SLC52A3: variants seen among roughly 807,000 people sequenced by gnomAD.
SLC52A3 encodes the protein solute carrier family 52 member 3.
In SLC52A3, 20 loss-of-function variants were observed where a neutral mutation model predicts 29.5. That is an observed-to-expected ratio of 0.68 (90% CI 0.48 to 0.99). The LOEUF is 0.99. Among genes scored for constraint, SLC52A3 ranks in the 50% least tolerant of loss-of-function variants. The probability of loss-of-function intolerance (pLI) is 0.00; values close to 1 mark genes in which losing one functional copy is unlikely to be tolerated. For missense variants in SLC52A3, 548 were observed against 612.9 expected (o/e 0.89, Z 1.12); for synonymous variants, 301 against 271.0 (o/e 1.11, Z -1.09).
chr20:772,807 C>A (rs1267926496), upstream of SLC52A3, among the ~76,000 whole-genome samples: 1 of 152,122 alleles, frequency 6.6e-6, no homozygotes, highest in Non-Finnish European at 1.5e-5. Flanking sequence ...AGCAAAGCTC[C>A]TGAATGGGGA....
At chr20:775,315 C>T (rs549086870) in intron 1 of SLC52A3, among the ~76,000 whole-genome samples, 1 of 150,086 alleles carries the variant, frequency 6.7e-6, no homozygotes, top group Admixed American at 6.7e-5. Flanking sequence ...CGCTCTGTCA[C>T]CCAGGCTGAA....
chr20:767,217 G>A (rs1305775441), intron 1 of SLC52A3, among the ~76,000 whole-genome samples: 2 of 152,174 alleles, frequency 1.3e-5, no homozygotes, highest in Non-Finnish European at 2.9e-5. Context: ...AATCAAGGCA[G>A]GTAAATGGAA....
upstream of SLC52A3, among the ~76,000 whole-genome samples, chr20:778,255 T>A (rs1987123543): frequency 6.6e-6 from 1 of 152,158 alleles, no homozygotes; most frequent in South Asian, 2.1e-4. Flanking sequence ...CCTCAGGTGA[T>A]CTTCTTGCCT....
intron 1 of SLC52A3, among the ~76,000 whole-genome samples, chr20:767,037 T>TAGC (rs1986709095): frequency 1.2e-5 from 1 of 82,158 alleles, no homozygotes; most frequent in Admixed American, 1.4e-4. Flanking sequence ...TTGTTGGTAA[T>TAGC]AGCAAGTTAT....
In SLC52A3 at chr20:761,077, C is replaced by T. The variant is rs536993223; in HGVS notation, c.1359G>A (p.Val453=). The T allele has an allele frequency of 1.9e-6, 3 of 1,609,934 alleles. No individual in the cohort carries two copies. Among genetic ancestry groups the T allele is most frequent in the African/African-American group, 2.7e-5 (2 of 74,976 alleles). Residue 453 remains valine, a synonymous_variant, in exon 5 of 5, where the codon GTG becomes GTA. Transcript: ENST00000645534. ...GALLMFPLVN[V]LRLFSSADFC... The stretch of plus-strand genomic sequence containing the variant: ...AGTCCGCGGACGAGAAGAGCCGCAG[C>T]ACGTTGACCAGAGGGAACATGAGCA...
rs57095806 is a variant in SLC52A3, at chr20:775,268, CTTT to C, written c.-238+684_-238+686del. Among the ~76,000 whole-genome samples the C allele has an allele frequency of 3.4e-3, 459 of 133,548 alleles. 9 individuals carry two copies. The highest frequency in any genetic ancestry group is 0.012 in the African/African-American group (431 of 35,542). The allele number at this position is 133,548 out of a possible 152,430, so 87.6% of individuals were successfully genotyped here. A position where few individuals can be genotyped will look rare whatever the true frequency, so the allele number is the denominator to read the frequency against. The stretch of plus-strand genomic sequence containing the variant: ...TGGGTAAAGTCAGTGGGGGCCCAGT[CTTT>C]TTTTTTTTTTTTTTTTTTTTTAAGA... On this transcript the variant is annotated intron_variant, in intron 1 of 5. Coordinates refer to the SLC52A3 transcript ENST00000217254.
rs368434500 is a variant in SLC52A3, at chr20:763,602, G to T, written c.969C>A (p.Thr323=). 1 of 1,614,088 alleles carries T rather than the reference G, an allele frequency of 6.2e-7. No individual in the cohort carries two copies. Among genetic ancestry groups the T allele is most frequent in the East Asian group, 2.2e-5 (1 of 44,892 alleles). The stretch of plus-strand genomic sequence containing the variant: ...CTGGCCCATAGGACAGGCAGGAGTA[G>T]GTCTGCACAGAGGGCAGCATGCCGT... ...LTNGMLPSVQ[T]YSCLSYGPVA... Residue 323 remains threonine (T), a synonymous_variant, in exon 3 of 5, where the codon ACC becomes ACA. Coordinates refer to ENST00000645534, the MANE Select transcript of SLC52A3 (RefSeq NM_033409.4).
chr20:779,616 T>C (rs1377689345), upstream of SLC52A3, among the ~76,000 whole-genome samples: 1 of 152,186 alleles, frequency 6.6e-6, no homozygotes, highest in Non-Finnish European at 1.5e-5. Flanking sequence ...TGACATTCCA[T>C]CTAAAGAAAA....
At chr20:777,180 G>A (rs1467545435), upstream of SLC52A3, among the ~76,000 whole-genome samples, 4 of 151,898 alleles carry the variant, frequency 2.6e-5, no homozygotes, top group African/African-American at 9.7e-5. Flanking sequence ...AGGTTGCAGT[G>A]AGCCGAGATC....
Position 763,959 on chromosome 20 carries a change from T to C in SLC52A3, c.612A>G (p.Ala204=), listed in dbSNP as rs1599958203. The stretch of plus-strand genomic sequence containing the variant: ...AGCGGCTCTCCAGGTGGGACAAGGG[T>C]GCTTCCATTCCGGGGAGGGCGGACA... The part of the protein sequence containing the change: ...ALVSALPGME[A]PLSHLESRYL... Residue 204 remains alanine (A), a synonymous_variant, in exon 3 of 5, where the codon GCA becomes GCG. Coordinates refer to ENST00000645534, the MANE Select transcript of SLC52A3 (RefSeq NM_033409.4). 1 of 1,609,618 alleles carries C rather than the reference T, an allele frequency of 6.2e-7. No homozygotes were observed. The highest frequency in any genetic ancestry group is 1.3e-5 in the African/African-American group (1 of 74,726).
At chr20:761,365 G>A (rs1156402980) in intron 4 of SLC52A3, 127 bp from the exon 5 acceptor site, 2 of 1,127,762 alleles carry the variant, frequency 1.8e-6, no homozygotes, top group African/African-American at 3.1e-5. Context: ...CGCCTTCTGG[G>A]AGTGAGCCTG....
intron 1 of SLC52A3, among the ~76,000 whole-genome samples, chr20:775,654 A>G (rs895088198): frequency 1.3e-5 from 2 of 151,974 alleles, no homozygotes; most frequent in Admixed American, 1.3e-4. Context: ...CCCGACTCCA[A>G]CATGCCAGCT....
upstream of SLC52A3, among the ~76,000 whole-genome samples, chr20:770,240 T>C (rs1019369253): frequency 6.7e-6 from 1 of 149,440 alleles, no homozygotes; most frequent in Non-Finnish European, 1.5e-5. The surrounding 1 kb of genome is among the most constrained non-coding windows in gnomAD (Gnocchi z 4.5). Context: ...CACAGCAACC[T>C]CCGCCTCCCG....
At chr20:761,465 G>A (rs1986476563) in intron 4 of SLC52A3, 2 of 736,856 alleles carry the variant, frequency 2.7e-6, no homozygotes, top group Non-Finnish European at 4.4e-6. Flanking sequence ...ATCAGGGCAA[G>A]GGCCCTTGAG....
upstream of SLC52A3, among the ~76,000 whole-genome samples, chr20:773,077 CA>C (rs1986897032): frequency 6.6e-6 from 1 of 152,154 alleles, no homozygotes; most frequent in African/African-American, 2.4e-5. Context: ...TTCTCTAGAG[CA>C]AAAAGCTCCG....
Position 762,099 on chromosome 20 carries a change from C to T in SLC52A3, c.1074-275G>A, listed in dbSNP as rs76441912. Among the ~76,000 whole-genome samples, 2,067 of 152,316 alleles carry T rather than the reference C, an allele frequency of 0.014. 20 individuals carry two copies. Among genetic ancestry groups the T allele is most frequent in the Middle Eastern group, 0.02 (6 of 294 alleles). ...GGTCCTGGTTCAAATCCCAGTTCTACTGTTTAAGCTGAGACTCGCCTCTGA... is the reference window on the plus strand; with the variant it reads ...GGTCCTGGTTCAAATCCCAGTTCTATTGTTTAAGCTGAGACTCGCCTCTGA... On this transcript the variant is annotated intron_variant, in intron 3 of 4. Transcript: ENST00000645534.
chr20:770,326 T>C (rs1986811865), upstream of SLC52A3, among the ~76,000 whole-genome samples: 1 of 152,106 alleles, frequency 6.6e-6, no homozygotes, highest in African/African-American at 2.4e-5. The surrounding 1 kb of genome is among the most constrained non-coding windows in gnomAD (Gnocchi z 4.5). Context: ...CCGGCTAATT[T>C]TTTATATTTC....
rs1324670185 is a variant in SLC52A3 at position 765,370 on chromosome 20, G to C, written c.405C>G (p.Thr135=). ...TFLPFMSRLP[T]YYLTTFFVGE... ...CCACAAAGAAGGTGGTGAGGTAGTA[G>C]GTGGGCAGCCGGCTCATGAACGGCA... The change falls in exon 2 of 5, where the codon ACC becomes ACG. Residue 135 remains threonine, a synonymous_variant. Transcript: ENST00000645534. This position sits in a 1 kb window ranked among gnomAD's most constrained non-coding sequence, Gnocchi z 6.6. The C allele has an allele frequency of 1.9e-6, 3 of 1,614,056 alleles. No homozygotes were observed. Among genetic ancestry groups the C allele is most frequent in the African/African-American group, 2.7e-5 (2 of 74,918 alleles).
At chr20:761,569 C>A in intron 4 of SLC52A3, 132 bp downstream of exon 4, 1 of 1,384,728 alleles carries the variant, frequency 7.2e-7, no homozygotes, top group Non-Finnish European at 1.0e-6. Flanking sequence ...AGGGGCGCTT[C>A]CCCCACCTGG....
Sources: gnomAD v4.1 joint callset for allele counts (sites outside exome capture counted in the v4.1 genomes callset) on GRCh38, gnomAD v4.1.1 for gene constraint, Gnocchi (gnomAD v3.1) non-coding constraint, MANE v1.5 for transcripts, NCBI Gene and HGNC (gene_info 2026-07-23, HGNC 2026-07-21) for gene names.